Variants in CFAP58 observed in about 807,000 individuals in gnomAD.
CFAP58 encodes the protein cilia and flagella associated protein 58, also known as cilia- and flagella-associated protein 58.
In CFAP58, 88 loss-of-function variants were observed where a neutral mutation model predicts 119.5. The ratio of observed to expected loss-of-function variants is 0.74; its 90% confidence interval spans 0.62 to 0.88. The LOEUF (loss-of-function observed/expected upper bound fraction) is 0.88, where lower values mean the gene tolerates loss of function less well. Among genes scored for constraint, CFAP58 ranks in the 40% least tolerant of loss-of-function variants. The pLI is 0.00. For missense variants in CFAP58, 990 were observed against 1,021.2 expected (o/e 0.97, Z 0.42); for synonymous variants, 365 against 366.3 (o/e 1.00, Z 0.04).
chr10:104,352,602 G>A (rs930484070), upstream of CFAP58, among the ~76,000 whole-genome samples: 4 of 152,234 alleles, frequency 2.6e-5, no homozygotes, highest in African/African-American at 4.8e-5. Context: ...AAATGTCCCT[G>A]TGCATCCCTA....
rs1564875324 is a variant in CFAP58, at chr10:104,357,808, T to TATATGTACACATATATACAC, written c.10-529_10-528insGTACACATATATACACATAT. Among the ~76,000 whole-genome samples, 70 of 137,338 alleles carry TATATGTACACATATATACAC rather than the reference T, an allele frequency of 5.1e-4. 3 individuals are homozygous for TATATGTACACATATATACAC. The highest frequency in any genetic ancestry group is 2.3e-3 in the African/African-American group (69 of 29,898). The allele number at this position is 137,338 out of a possible 152,430, so 90.1% of individuals were successfully genotyped here. ...GTTTATATACATATATATACACACA[T>TATATGTACACATATATACAC]ATATATGTACATATATACACATATA... On this transcript the variant is annotated intron_variant, in intron 1 of 17. Coordinates refer to ENST00000369704, the MANE Select transcript of CFAP58 (RefSeq NM_001008723.2).
intron 1 of CFAP58, among the ~76,000 whole-genome samples, chr10:104,357,890 A>ACACATATGTACACATATATAC: frequency 7.5e-6 from 1 of 132,452 alleles, no homozygotes; most frequent in Non-Finnish European, 1.6e-5. Flanking sequence ...CACATATATA[A>ACACATATGTACACATATATAC]ACATATATGT....
intron 15 of CFAP58, among the ~76,000 whole-genome samples, chr10:104,419,127 C>T (rs1445753072): frequency 1.3e-5 from 2 of 152,176 alleles, no homozygotes; most frequent in East Asian, 1.9e-4. Flanking sequence ...CTGGGAATGC[C>T]TGCTTTCCTG....
In CFAP58 at chr10:104,358,042, TAC is replaced by T. The variant is rs201578374; in HGVS notation, c.10-293_10-292del. On this transcript the variant is annotated intron_variant, in intron 1 of 17. Coordinates refer to ENST00000369704, the MANE Select transcript of CFAP58 (RefSeq NM_001008723.2). ...GTACATATATATACATATGTACATATACACACATATATGTACATATATACACA... is the reference window on the plus strand; with the variant it reads ...GTACATATATATACATATGTACATATACACATATATGTACATATATACACA... 3.9e-4 allele frequency among the ~76,000 whole-genome samples: 58 copies of T among 148,102 alleles called. No individual in the cohort carries two copies. In the East Asian group the frequency reaches 6.1e-3, roughly 16 times the overall value.
chr10:104,371,005 C>G lies in CFAP58; in HGVS notation c.1041C>G (p.Val347=), dbSNP rs773802661. The G allele has an allele frequency of 1.2e-5, 19 of 1,613,096 alleles. No individual in the cohort carries two copies. The highest frequency in any genetic ancestry group is 5.0e-5 in the Admixed American group (3 of 59,882). The change falls in exon 7 of 18, where the codon GTC becomes GTG. Residue 347 remains valine, a synonymous_variant. Coordinates refer to ENST00000369704, the MANE Select transcript of CFAP58 (RefSeq NM_001008723.2). ...LHHTEDQKAE[V]EQHKETLKNQ... ...ACACCGAAGATCAAAAGGCAGAAGT[C>G]GAACAGCACAAAGAAACCCTAAAAA...
At chr10:104,369,256 A>G (rs1223518146) in intron 6 of CFAP58, among the ~76,000 whole-genome samples, 3 of 152,238 alleles carry the variant, frequency 2.0e-5, no homozygotes, top group South Asian at 2.1e-4. Context: ...AGATTTGGGC[A>G]GAGAACCATA....
At chr10:104,395,902 G>A (rs956081527) in intron 11 of CFAP58, among the ~76,000 whole-genome samples, 5 of 152,190 alleles carry the variant, frequency 3.3e-5, no homozygotes, top group African/African-American at 1.2e-4. Flanking sequence ...ATAGGCAAAC[G>A]ACTGTCTTTA....
rs559039348 is a variant in CFAP58, at chr10:104,428,585, G to A, written c.2257-19113G>A. On this transcript the variant is annotated intron_variant, in intron 15 of 17. Transcript: ENST00000369704. The stretch of plus-strand genomic sequence containing the variant: ...TCTCGTCACTGGTAAACATTTTAAA[G>A]AGAGGGATGGGATGACAGGCATGAG... Among the ~76,000 whole-genome samples, 9 of 152,318 alleles carry A rather than the reference G, an allele frequency of 5.9e-5. No individual in the cohort carries two copies. In the South Asian group the frequency reaches 1.9e-3, roughly 32 times the overall value.
At chr10:104,353,829 TCCCAGACTCCGG>T in exon 1 of CFAP58, 1 of 1,572,506 alleles carries the variant, frequency 6.4e-7, no homozygotes, top group Admixed American at 1.8e-5. Context: ...TTAGCTTCTT[TCCCAGACTCCGG>T]CCCAGCTCCT....
chr10:104,366,521 A>G (rs1452917278), intron 5 of CFAP58, among the ~76,000 whole-genome samples: 2 of 152,234 alleles, frequency 1.3e-5, no homozygotes, highest in Non-Finnish European at 2.9e-5. Context: ...AACTTCTGCT[A>G]TATTCTGTTT....
chr10:104,417,895 G>A (rs2012578758), intron 15 of CFAP58, among the ~76,000 whole-genome samples: 2 of 152,214 alleles, frequency 1.3e-5, no homozygotes, highest in African/African-American at 4.8e-5. Context: ...AAATATCAGA[G>A]CTGCAATGAT....
At chr10:104,443,187 T>C (rs572615861) in intron 15 of CFAP58, among the ~76,000 whole-genome samples, 2 of 152,334 alleles carry the variant, frequency 1.3e-5, no homozygotes, top group South Asian at 4.1e-4. Flanking sequence ...TAACATGATA[T>C]CTGTTGACAT....
chr10:104,378,726 C>G (rs2011718110), intron 8 of CFAP58, among the ~76,000 whole-genome samples: 1 of 152,170 alleles, frequency 6.6e-6, no homozygotes. Context: ...TTGCAAAAAT[C>G]TAAAGGCCCT....
chr10:104,372,222 G>A (rs1050484996), intron 7 of CFAP58, among the ~76,000 whole-genome samples: 3 of 152,026 alleles, frequency 2.0e-5, no homozygotes, highest in African/African-American at 7.3e-5. Flanking sequence ...GCATGGTAGC[G>A]GGTGCCTGTA....
rs2014814811 is a variant in CFAP58, at chr10:104,370,938, A to C, written c.974A>C (p.Lys325Thr). ...EVHQMRLDIG[K>T]LNKIREQIHK... Reference sequence around the variant, plus strand: ...CATCAAATGCGCCTTGACATCGGGAAGCTCAACAAAATCAGAGAACAAATT... The same window carrying C: ...CATCAAATGCGCCTTGACATCGGGACGCTCAACAAAATCAGAGAACAAATT... The change falls in exon 7 of 18, where the codon AAG (lysine) becomes ACG (threonine). Residue 325 changes from lysine (K) to threonine (T), a missense_variant. Transcript: ENST00000369704. 6.2e-7 allele frequency: 1 copy of C among 1,613,626 alleles called. No homozygotes were observed. Among genetic ancestry groups the C allele is most frequent in the Non-Finnish European group, 8.5e-7 (1 of 1,179,900 alleles).
chr10:104,391,990 A>G (rs555262524), intron 9 of CFAP58, among the ~76,000 whole-genome samples: 2 of 151,872 alleles, frequency 1.3e-5, no homozygotes, highest in Admixed American at 1.3e-4. Flanking sequence ...CTTTCTTGTG[A>G]TCACAAAATA....
chr10:104,405,179 A>T (rs1465306014), intron 14 of CFAP58, among the ~76,000 whole-genome samples: 1 of 152,222 alleles, frequency 6.6e-6, no homozygotes, highest in African/African-American at 2.4e-5. Flanking sequence ...ATGTGTGCCA[A>T]ATCTAGTCCC....
chr10:104,393,198 C>T (rs1360123853), intron 10 of CFAP58, 131 bp from the exon 11 acceptor site: 7 of 810,914 alleles, frequency 8.6e-6, no homozygotes, highest in Non-Finnish European at 1.4e-5. Flanking sequence ...AAGGAATAGT[C>T]TAGTTGTAAT....
At chr10:104,392,205 C>T (rs779708447) in intron 9 of CFAP58, 28 bp from the exon 10 acceptor site, 3 of 1,578,390 alleles carry the variant, frequency 1.9e-6, no homozygotes, top group Non-Finnish European at 2.6e-6. Context: ...GCTATTTAAC[C>T]ACATTCATAT....
Sources: gnomAD v4.1 joint callset for allele counts (sites outside exome capture counted in the v4.1 genomes callset) on GRCh38, gnomAD v4.1.1 for gene constraint, MANE v1.5 for transcripts, NCBI Gene and HGNC (gene_info 2026-07-23, HGNC 2026-07-21) for gene names.